Variants in KCNIP1 observed in about 807,000 individuals in gnomAD.
The protein encoded by KCNIP1 is A-type potassium channel modulatory protein KCNIP1.
In KCNIP1, 18 loss-of-function variants were observed where a neutral mutation model predicts 33.0. That is an observed-to-expected ratio of 0.55 (90% confidence interval 0.38 to 0.81). The LOEUF is 0.81. KCNIP1 is among the 30% of genes least tolerant of loss of function. KCNIP1 has a pLI of 0.00. For missense variants in KCNIP1, 238 were observed against 271.6 expected (o/e 0.88, Z 0.87); for synonymous variants, 93 against 98.3 (o/e 0.95, Z 0.32).
intron 1 of KCNIP1, among the ~76,000 whole-genome samples, chr5:170,635,648 A>G (rs1760251898): frequency 6.6e-6 from 1 of 152,238 alleles, no homozygotes; most frequent in Non-Finnish European, 1.5e-5. Context: ...CTGCACTGTA[A>G]GGGACAAGGG....
chr5:170,559,752 C>T (rs1048102528), intron 1 of KCNIP1, among the ~76,000 whole-genome samples: 5 of 152,178 alleles, frequency 3.3e-5, no homozygotes, highest in Admixed American at 2.6e-4. Context: ...ATGTTAACTG[C>T]CTGGCAATGG....
At chr5:170,541,272 G>C (rs1249886960) in intron 1 of KCNIP1, among the ~76,000 whole-genome samples, 1 of 152,196 alleles carries the variant, frequency 6.6e-6, no homozygotes, top group African/African-American at 2.4e-5. Flanking sequence ...ATAGCCATCT[G>C]TCTGTCCTTT....
At chr5:170,637,942 T>C (rs1203977259) in intron 1 of KCNIP1, among the ~76,000 whole-genome samples, 1 of 148,310 alleles carries the variant, frequency 6.7e-6, no homozygotes, top group African/African-American at 2.5e-5. Context: ...TAAAGTGGTG[T>C]GGGGACTCCA....
At chr5:170,594,522 A>G (rs1183054540) in intron 1 of KCNIP1, among the ~76,000 whole-genome samples, 2 of 151,636 alleles carry the variant, frequency 1.3e-5, no homozygotes, top group Admixed American at 6.6e-5. Flanking sequence ...TTTTTTTATT[A>G]TTGTTTGAGA....
At chr5:170,466,170 G>A (rs1756605119) in intron 1 of KCNIP1, among the ~76,000 whole-genome samples, 1 of 152,150 alleles carries the variant, frequency 6.6e-6, no homozygotes, top group Admixed American at 6.5e-5. Flanking sequence ...GACAGATGAT[G>A]CATGGGGTAG....
At chr5:170,651,646 A>G (rs948567674) in intron 1 of KCNIP1, among the ~76,000 whole-genome samples, 1 of 152,106 alleles carries the variant, frequency 6.6e-6, no homozygotes, top group African/African-American at 2.4e-5. Context: ...GACATTACTT[A>G]TTCTTTACTT....
intron 1 of KCNIP1, among the ~76,000 whole-genome samples, chr5:170,505,839 G>A (rs988777594): frequency 5.3e-5 from 8 of 152,112 alleles, no homozygotes; most frequent in Non-Finnish European, 8.8e-5. Flanking sequence ...TGCTGAAGCT[G>A]GGTTGGCATT....
At chr5:170,693,178 G>A (rs899349285) in intron 1 of KCNIP1, among the ~76,000 whole-genome samples, 40 of 152,078 alleles carry the variant, frequency 2.6e-4, no homozygotes, top group Non-Finnish European at 5.3e-4. Context: ...CCACTCCCTC[G>A]CCCTCTCACC....
intron 1 of KCNIP1, among the ~76,000 whole-genome samples, chr5:170,717,276 A>G (rs1171151375): frequency 1.3e-5 from 2 of 152,198 alleles, no homozygotes; most frequent in African/African-American, 4.8e-5. Flanking sequence ...TTTGAGAATA[A>G]GCCCTTTCAT....
At chr5:170,440,106 C>T (rs1028305184) in intron 1 of KCNIP1, among the ~76,000 whole-genome samples, 10 of 152,168 alleles carry the variant, frequency 6.6e-5, no homozygotes, top group African/African-American at 2.2e-4. Context: ...GAGAATAAGA[C>T]ATAGACACAC....
At chr5:170,728,247 G>A (rs1003648176) in intron 5 of KCNIP1, among the ~76,000 whole-genome samples, 1 of 152,052 alleles carries the variant, frequency 6.6e-6, no homozygotes, top group Non-Finnish European at 1.5e-5. Context: ...AAAAGATGAG[G>A]CAAGAAAAGA....
chr5:170,593,219 T>C (rs949205367), intron 1 of KCNIP1, among the ~76,000 whole-genome samples: 3 of 152,178 alleles, frequency 2.0e-5, no homozygotes, highest in African/African-American at 7.2e-5. Context: ...GATCCACAGG[T>C]GGGTGGGAGA....
chr5:170,482,999 T>A, intron 1 of KCNIP1: 1 of 435,506 alleles, frequency 2.3e-6, no homozygotes, highest in Middle Eastern at 3.4e-4. Flanking sequence ...ATAGCCTAAA[T>A]TTTAAATTAA....
chr5:170,425,697 T>A (rs1051447747), intron 1 of KCNIP1, among the ~76,000 whole-genome samples: 2 of 152,208 alleles, frequency 1.3e-5, no homozygotes, highest in Non-Finnish European at 2.9e-5. Context: ...CAAGTGCCTC[T>A]TCCTCTGCCA....
chr5:170,453,967 A>C (rs928980609), intron 1 of KCNIP1, among the ~76,000 whole-genome samples: 1 of 152,234 alleles, frequency 6.6e-6, no homozygotes, highest in Non-Finnish European at 1.5e-5. Context: ...CCTTGATTGC[A>C]GTCTTGTGAG....
chr5:170,554,649 A>C (rs1756775681), intron 1 of KCNIP1, among the ~76,000 whole-genome samples: 1 of 152,116 alleles, frequency 6.6e-6, no homozygotes, highest in South Asian at 2.1e-4. Flanking sequence ...AGGATGTGAG[A>C]TTTATTTTTC....
chr5:170,398,347 G>C (rs1320327708), intron 1 of KCNIP1, among the ~76,000 whole-genome samples: 2 of 152,168 alleles, frequency 1.3e-5, no homozygotes, highest in Non-Finnish European at 2.9e-5. Context: ...TAGGGCAAAA[G>C]GTTTCTACAT....
chr5:170,521,640 A>G (rs142461174), intron 1 of KCNIP1, among the ~76,000 whole-genome samples: 3 of 152,356 alleles, frequency 2.0e-5, no homozygotes, highest in Non-Finnish European at 4.4e-5. Flanking sequence ...CACACACAGC[A>G]TGCACCATCG....
At chr5:170,398,638 G>A (rs932583456) in intron 1 of KCNIP1, among the ~76,000 whole-genome samples, 3 of 152,150 alleles carry the variant, frequency 2.0e-5, no homozygotes, top group Non-Finnish European at 2.9e-5. Context: ...TAAATAAGAA[G>A]CCCCTGTTTT....
Sources: allele counts gnomAD v4.1 joint callset (sites outside exome capture counted in the v4.1 genomes callset), GRCh38; gene constraint gnomAD v4.1.1; transcripts MANE v1.5; gene names NCBI Gene and HGNC (gene_info 2026-07-23, HGNC 2026-07-21).